Variants in MID2 observed in about 807,000 individuals in gnomAD.
The protein encoded by MID2 is midline 2, also known as probable E3 ubiquitin-protein ligase MID2.
In MID2, 13 loss-of-function variants were observed where a neutral mutation model predicts 46.1. The observed-to-expected ratio is 0.28, with a 90% CI of 0.18 to 0.45. The LOEUF is 0.45. MID2 is among the 20% of genes least tolerant of loss of function. The pLI is 1.00. For missense variants in MID2, 431 were observed against 575.4 expected, an observed-to-expected ratio of 0.75 and a Z score of 2.57; for synonymous variants, 199 against 212.3, an observed-to-expected ratio of 0.94 and a Z score of 0.55.
intron 3 of MID2, among the ~76,000 whole-genome samples, chrX:107,893,581 G>A (rs1005235784): frequency 8.9e-6 from 1 of 112,206 alleles, no homozygotes; most frequent in African/African-American, 3.2e-5. Flanking sequence ...ATTTTATCTT[G>A]TTTTTGGAGG....
At chrX:107,839,545 C>A (rs1363398772) in intron 1 of MID2, among the ~76,000 whole-genome samples, 4 of 110,320 alleles carry the variant, frequency 3.6e-5, no homozygotes, top group African/African-American at 1.3e-4. Flanking sequence ...CTAATTTTTG[C>A]ATTTTTAGTA....
intron 1 of MID2, among the ~76,000 whole-genome samples, chrX:107,837,611 A>C (rs776241986): frequency 9.0e-6 from 1 of 110,597 alleles, no homozygotes; most frequent in East Asian, 2.8e-4. Flanking sequence ...AAAAAAAAAA[A>C]CTGTCTTGTA....
intron 3 of MID2, among the ~76,000 whole-genome samples, chrX:107,884,592 T>G (rs1456135933): frequency 1.8e-5 from 2 of 112,067 alleles, no homozygotes; most frequent in African/African-American, 6.5e-5. Flanking sequence ...TGAGTAGAAA[T>G]GGAAACTTAG....
At chrX:107,878,358 A>G (rs73529361) in intron 3 of MID2, among the ~76,000 whole-genome samples, 1,653 of 78,705 alleles carry the variant, frequency 0.021, 49 homozygotes, top group African/African-American at 0.077. Context: ...CGTGCCATGC[A>G]TGTCTGCAGC....
intron 3 of MID2, among the ~76,000 whole-genome samples, chrX:107,903,021 G>A: frequency 9.0e-6 from 1 of 111,684 alleles, no homozygotes; most frequent in Non-Finnish European, 1.9e-5. Flanking sequence ...TGATTTTTGA[G>A]CAAGTCACTA....
intron 7 of MID2, among the ~76,000 whole-genome samples, chrX:107,921,593 G>A (rs1041895045): frequency 9.9e-5 from 11 of 111,274 alleles, no homozygotes; most frequent in South Asian, 3.8e-4. Flanking sequence ...TTTTCCAGTT[G>A]AGTATTCCCT....
intron 1 of MID2, among the ~76,000 whole-genome samples, chrX:107,836,732 C>T (rs763772071): frequency 2.7e-5 from 3 of 110,863 alleles, no homozygotes; most frequent in African/African-American, 9.8e-5. Flanking sequence ...AAGAAAGCCT[C>T]ATAAATTAGA....
intron 3 of MID2, among the ~76,000 whole-genome samples, chrX:107,897,051 G>C (rs1932751774): frequency 8.9e-6 from 1 of 111,736 alleles, no homozygotes; most frequent in Non-Finnish European, 1.9e-5. Flanking sequence ...AATTAGAATA[G>C]TGCCTAACAT....
At chrX:107,891,897 G>C (rs1054738814) in intron 3 of MID2, among the ~76,000 whole-genome samples, 2 of 111,202 alleles carry the variant, frequency 1.8e-5, no homozygotes, top group Non-Finnish European at 3.8e-5. Context: ...TCTTCTGTTG[G>C]GCTGGAATCA....
At chrX:107,865,405 T>C (rs1285067616) in intron 3 of MID2, among the ~76,000 whole-genome samples, 1 of 112,539 alleles carries the variant, frequency 8.9e-6, no homozygotes, top group Non-Finnish European at 1.9e-5. Context: ...ATCTATTTCA[T>C]AGATGGCTGT....
rs1182383403 is a variant in MID2, at chrX:107,826,032, C to A, written c.-395C>A. 3 of 291,240 alleles carry A rather than the reference C, an allele frequency of 1.0e-5. No individual in the cohort carries two copies. Among genetic ancestry groups the A allele is most frequent in the South Asian group, 2.1e-4 (1 of 4,725 alleles). 24.0% of individuals were successfully genotyped at this position (291,240 alleles called of 1,213,427 possible). A position where few individuals can be genotyped will look rare whatever the true frequency, so the allele number is the denominator to read the frequency against. ...GGGTGTCAGCCCCAGCCCCGTTTGCCCCCACTCCGCCTCCCTTTTGGAAGG... is the reference window on the plus strand; with the variant it reads ...GGGTGTCAGCCCCAGCCCCGTTTGCACCCACTCCGCCTCCCTTTTGGAAGG... On this transcript the variant is annotated 5_prime_UTR_variant, in exon 1 of 10. Transcript: ENST00000262843.
In MID2 at chrX:107,853,879, T is replaced by A. The variant is rs1931685610; in HGVS notation, c.721-730T>A. ...TTTGCACATGCTAGTAATATGACTG[T>A]GCAAAATACTTTAACTCCACTTTGA... On this transcript the variant is annotated intron_variant, in intron 2 of 9. Coordinates refer to ENST00000262843, the MANE Select transcript of MID2 (RefSeq NM_012216.4). 2.7e-5 allele frequency among the ~76,000 whole-genome samples: 3 copies of A among 111,956 alleles called. No individual in the cohort carries two copies. In the Admixed American group the frequency reaches 2.9e-4, roughly 11 times the overall value.
chrX:107,886,962 C>T (rs1602486071), intron 3 of MID2, among the ~76,000 whole-genome samples: 1 of 111,860 alleles, frequency 8.9e-6, no homozygotes, highest in South Asian at 3.7e-4. Context: ...GTGATTTTTG[C>T]ACATTGATTT....
At chrX:107,875,403 A>G (rs1427663898) in intron 3 of MID2, among the ~76,000 whole-genome samples, 2 of 111,434 alleles carry the variant, frequency 1.8e-5, no homozygotes, top group African/African-American at 6.5e-5. Context: ...GGGTTTGAGG[A>G]GGCCCTGCAA....
intron 3 of MID2, among the ~76,000 whole-genome samples, chrX:107,860,608 G>A (rs1931833741): frequency 8.9e-6 from 1 of 112,449 alleles, no homozygotes; most frequent in Admixed American, 9.4e-5. Flanking sequence ...TAGAAAGACG[G>A]TGTTGCTTTT....
chrX:107,864,136 C>G lies in MID2; in HGVS notation c.816+9432C>G, dbSNP rs142653480. On this transcript the variant is annotated intron_variant, in intron 3 of 9. Transcript: ENST00000262843. ...GCCTAGTGGAGAAGTTGTTGGTTTA[C>G]TTGCCACCGATTCATTTGTGCTCAG... 7.6e-3 allele frequency among the ~76,000 whole-genome samples: 859 copies of G among 112,355 alleles called. 10 individuals carry two copies. The highest frequency in any genetic ancestry group is 0.026 in the African/African-American group (811 of 30,925).
intron 1 of MID2, among the ~76,000 whole-genome samples, chrX:107,834,064 G>A (rs1931150058): frequency 9.0e-6 from 1 of 111,599 alleles, no homozygotes; most frequent in East Asian, 2.8e-4. Flanking sequence ...AAAGTGCTGG[G>A]ACTACAGGTG....
chrX:107,857,024 CA>C (rs1316021063), intron 3 of MID2, among the ~76,000 whole-genome samples: 2 of 111,920 alleles, frequency 1.8e-5, no homozygotes, highest in African/African-American at 6.5e-5. Context: ...TTACATGCTG[CA>C]AAAATCCACC....
At chrX:107,851,720 G>C (rs1469032008) in intron 2 of MID2, among the ~76,000 whole-genome samples, 1 of 110,797 alleles carries the variant, frequency 9.0e-6, no homozygotes, top group Non-Finnish European at 1.9e-5. Context: ...CCTTATCTAG[G>C]CACTTAAGAC....
Sources: gnomAD v4.1 joint callset for allele counts (sites outside exome capture counted in the v4.1 genomes callset) on GRCh38, gnomAD v4.1.1 for gene constraint, MANE v1.5 for transcripts, NCBI Gene and HGNC (gene_info 2026-07-23, HGNC 2026-07-21) for gene names.